Variants in ZNF804B observed in about 807,000 individuals in gnomAD.
ZNF804B encodes the protein zinc finger 804B.
ZNF804B carries 80 observed loss-of-function variants against 101.4 expected under a neutral mutation model. The ratio of observed to expected loss-of-function variants is 0.79; its 90% CI spans 0.66 to 0.95. ZNF804B has a LOEUF of 0.95. Among genes scored for constraint, ZNF804B ranks in the 40% least tolerant of loss-of-function variants. The probability of loss-of-function intolerance (pLI) is 0.00; values close to 1 mark genes in which losing one functional copy is unlikely to be tolerated. For synonymous variants in ZNF804B, 622 were observed against 558.8 expected, an observed-to-expected ratio of 1.11 and a Z score of -1.59; for missense variants, 1,673 against 1,561.9, an observed-to-expected ratio of 1.07 and a Z score of -1.20.
intron 1 of ZNF804B, among the ~76,000 whole-genome samples, chr7:88,866,326 G>A (rs769002589): frequency 2.0e-5 from 3 of 152,224 alleles, no homozygotes; most frequent in Non-Finnish European, 4.4e-5. Flanking sequence ...TCCATCAAGA[G>A]GTTGTGTTTA....
Position 89,092,531 on chromosome 7 carries a change from G to A in ZNF804B, c.109-125624G>A, listed in dbSNP as rs1420678082. On this transcript the variant is annotated intron_variant, in intron 1 of 3. Transcript: ENST00000333190. Reference sequence around the variant, plus strand: ...GAGTTCAAGTGATTCTCCTGCCTCAGCCTCCCGAGCAACTGGGACTACAGG... The same window carrying A: ...GAGTTCAAGTGATTCTCCTGCCTCAACCTCCCGAGCAACTGGGACTACAGG... Among the ~76,000 whole-genome samples the A allele has an allele frequency of 7.5e-5, 11 of 146,522 alleles. No individual in the cohort carries two copies. In the Admixed American group the frequency reaches 7.8e-4, roughly 10 times the overall value.
intron 1 of ZNF804B, among the ~76,000 whole-genome samples, chr7:89,087,068 AAAAG>A (rs756455452): frequency 6.7e-6 from 1 of 150,086 alleles, no homozygotes; most frequent in Non-Finnish European, 1.5e-5. Flanking sequence ...AAAAAAAAAA[AAAAG>A]AAAGGAAGCA....
chr7:88,890,233 A>G (rs1220823469), intron 1 of ZNF804B, among the ~76,000 whole-genome samples: 1 of 152,142 alleles, frequency 6.6e-6, no homozygotes, highest in Non-Finnish European at 1.5e-5. Context: ...AACTATTTTT[A>G]GTATTAGCTC....
chr7:88,779,516 G>T (rs1586899339), intron 1 of ZNF804B, among the ~76,000 whole-genome samples: 1 of 152,136 alleles, frequency 6.6e-6, no homozygotes, highest in Non-Finnish European at 1.5e-5. Flanking sequence ...CATGCAGGAA[G>T]CACTCACTAT....
chr7:89,010,428 TAG>T (rs1354436166), intron 1 of ZNF804B, among the ~76,000 whole-genome samples: 2 of 152,172 alleles, frequency 1.3e-5, no homozygotes, highest in Non-Finnish European at 2.9e-5. Context: ...TCATTCTTAG[TAG>T]AGAGGTTCTC....
At position 89,336,185 on chromosome 7, in the gene ZNF804B, C is replaced by A; in HGVS notation, c.3203C>A (p.Pro1068Gln). ...CAACCTTTTATTCAAAGCTGTGACC[C>A]AGTACCAAATGAATTCCCTGGTGCT... ...EIQPFIQSCD[P>Q]VPNEFPGAFP... The change falls in exon 4 of 4, where the codon CCA (proline) becomes CAA (glutamine). Residue 1068 changes from proline (P) to glutamine (Q), a missense_variant. Coordinates refer to ENST00000333190, the MANE Select transcript of ZNF804B (RefSeq NM_181646.5). 1 of 1,613,816 alleles carries A rather than the reference C, an allele frequency of 6.2e-7. No homozygotes were observed.
At chr7:88,925,715 C>A (rs180760245) in intron 1 of ZNF804B, among the ~76,000 whole-genome samples, 45 of 152,224 alleles carry the variant, frequency 3.0e-4, no homozygotes, top group African/African-American at 8.4e-4. Context: ...CTGCAGCAGC[C>A]GGCTTTGTAG....
intron 1 of ZNF804B, among the ~76,000 whole-genome samples, chr7:88,824,739 T>G (rs1791029856): frequency 6.6e-6 from 1 of 152,050 alleles, no homozygotes. Context: ...TTTCAAACAT[T>G]GCATCTGATG....
At chr7:88,965,163 C>A (rs1322055871) in intron 1 of ZNF804B, among the ~76,000 whole-genome samples, 11 of 151,290 alleles carry the variant, frequency 7.3e-5, no homozygotes, top group Non-Finnish European at 1.6e-4. Flanking sequence ...CTACCTCTAC[C>A]CCATCATGGT....
At chr7:88,828,369 T>A (rs1791078718) in intron 1 of ZNF804B, among the ~76,000 whole-genome samples, 2 of 152,080 alleles carry the variant, frequency 1.3e-5, no homozygotes, top group Non-Finnish European at 2.9e-5. Flanking sequence ...CTGGTTTCTA[T>A]GATTCAGTGT....
chr7:89,040,778 A>G (rs1159584603), intron 1 of ZNF804B, among the ~76,000 whole-genome samples: 6 of 152,204 alleles, frequency 3.9e-5, no homozygotes, highest in African/African-American at 1.4e-4. Flanking sequence ...AATGTCCTTC[A>G]TCAGTCAGCC....
intron 1 of ZNF804B, among the ~76,000 whole-genome samples, chr7:88,934,836 A>G (rs1353761633): frequency 6.6e-6 from 1 of 151,880 alleles, no homozygotes; most frequent in Non-Finnish European, 1.5e-5. Context: ...CTTAAAGACT[A>G]AACGTAGAAC....
chr7:89,022,541 A>G (rs2116217109), intron 1 of ZNF804B, among the ~76,000 whole-genome samples: 1 of 152,284 alleles, frequency 6.6e-6, no homozygotes, highest in East Asian at 1.9e-4. Context: ...TGATTTAAGT[A>G]TGTCAGTGTG....
chr7:89,333,653 C>T lies in ZNF804B; in HGVS notation c.671C>T (p.Ser224Phe). The T allele has an allele frequency of 6.2e-7, 1 of 1,613,204 alleles. No homozygotes were observed. The highest frequency in any genetic ancestry group is 8.5e-7 in the Non-Finnish European group (1 of 1,179,598). ...NHRTGVSFTF[S>F]KKVHLKLESS... is the part of the protein sequence containing the mutation. ...AGAACAGGAGTATCATTTACTTTTTCCAAAAAAGTGCACCTAAAATTAGAA... is the reference window on the plus strand; with the variant it reads ...AGAACAGGAGTATCATTTACTTTTTTCAAAAAAGTGCACCTAAAATTAGAA... The change falls in exon 4 of 4, where the codon TCC (serine) becomes TTC (phenylalanine). Residue 224 changes from serine (S) to phenylalanine (F), a missense_variant. Physicochemically the swap from Ser to Phe is radical, Grantham distance 155. Coordinates refer to ENST00000333190, the MANE Select transcript of ZNF804B (RefSeq NM_181646.5).
rs1404786354 is a variant in ZNF804B at position 89,335,723 on chromosome 7, A to G, written c.2741A>G (p.Asn914Ser). The G allele has an allele frequency of 6.2e-7, 1 of 1,614,076 alleles. No individual in the cohort carries two copies. The highest frequency in any genetic ancestry group is 1.7e-5 in the Admixed American group (1 of 59,994). The change falls in exon 4 of 4, where the codon AAC (asparagine) becomes AGC (serine). Residue 914 changes from asparagine (N) to serine (S), a missense_variant. Coordinates refer to ENST00000333190, the MANE Select transcript of ZNF804B (RefSeq NM_181646.5). Reference sequence around the variant, plus strand: ...GGCCCTTCAGAAACCACAGAATCAAACACTGCAGAAGGAGAGAGGACCCCT... The same window carrying G: ...GGCCCTTCAGAAACCACAGAATCAAGCACTGCAGAAGGAGAGAGGACCCCT... ...SSGPSETTES[N>S]TAEGERTPLT...
At chr7:88,832,205 C>T (rs1158184195) in intron 1 of ZNF804B, among the ~76,000 whole-genome samples, 1 of 151,708 alleles carries the variant, frequency 6.6e-6, no homozygotes, top group Non-Finnish European at 1.5e-5. Flanking sequence ...CTAACGTACT[C>T]TTATGCCATA....
At chr7:89,258,320 C>T (rs1674088609) in intron 2 of ZNF804B, among the ~76,000 whole-genome samples, 1 of 152,002 alleles carries the variant, frequency 6.6e-6, no homozygotes, top group Admixed American at 6.6e-5. Flanking sequence ...CCAGGAGCAA[C>T]TGTGTATATT....
At chr7:88,985,846 G>A (rs529766228) in intron 1 of ZNF804B, among the ~76,000 whole-genome samples, 26 of 152,162 alleles carry the variant, frequency 1.7e-4, no homozygotes, top group African/African-American at 6.0e-4. Flanking sequence ...AAGTCATTAT[G>A]TACTTGCCAA....
At chr7:89,231,667 G>A (rs11763170) in intron 2 of ZNF804B, among the ~76,000 whole-genome samples, 8,747 of 151,894 alleles carry the variant, frequency 0.058, 334 homozygotes, top group African/African-American at 0.11. Context: ...TGTTAAATAT[G>A]ACACATATTT....
Sources: gnomAD v4.1 joint callset for allele counts (sites outside exome capture counted in the v4.1 genomes callset) on GRCh38, gnomAD v4.1.1 for gene constraint, MANE v1.5 for transcripts, NCBI Gene and HGNC (gene_info 2026-07-23, HGNC 2026-07-21) for gene names.